The following RAB7A variants were observed in gnomAD, a reference collection of about 807,000 sequenced individuals.
RAB7A encodes the protein ras-related protein Rab-7a.
Under a neutral mutation model 24.5 loss-of-function variants are expected in RAB7A, and 2 were observed. That is an observed-to-expected ratio of 0.08 (90% CI 0.03 to 0.26). The LOEUF is 0.26. Among genes scored for constraint, RAB7A ranks in the 10% least tolerant of loss-of-function variants. RAB7A has a pLI of 1.00. For missense variants in RAB7A, 118 were observed against 255.7 expected (o/e 0.46, Z 3.67); for synonymous variants, 100 against 95.9 (o/e 1.04, Z -0.25).
chr3:128,757,413 T>G (rs1026236858), intron 1 of RAB7A, among the ~76,000 whole-genome samples: 2 of 152,138 alleles, frequency 1.3e-5, no homozygotes, highest in African/African-American at 2.4e-5. Flanking sequence ...TGAGGCCAGG[T>G]GTGCTTAGCA....
intron 1 of RAB7A, among the ~76,000 whole-genome samples, chr3:128,747,759 T>C (rs1431250349): frequency 6.7e-6 from 1 of 148,230 alleles, no homozygotes; most frequent in Non-Finnish European, 1.5e-5. Context: ...TTTTTCATTT[T>C]GTTTTGTTTT....
At chr3:128,759,109 C>T (rs2070756174) in intron 1 of RAB7A, among the ~76,000 whole-genome samples, 1 of 152,106 alleles carries the variant, frequency 6.6e-6, no homozygotes, top group Non-Finnish European at 1.5e-5. Context: ...TCCAAATGTG[C>T]CATAAGCTGA....
chr3:128,766,827 ATCGTGCCTGGCCTGGG>A (rs947692461), intron 1 of RAB7A, among the ~76,000 whole-genome samples: 10 of 152,200 alleles, frequency 6.6e-5, no homozygotes, highest in Non-Finnish European at 1.0e-4. Context: ...GGCATGAGCC[ATCGTGCCTGGCCTGGG>A]TCATATGTTT....
chr3:128,734,569 G>A (rs2070471929), intron 1 of RAB7A, among the ~76,000 whole-genome samples: 1 of 152,000 alleles, frequency 6.6e-6, no homozygotes, highest in Non-Finnish European at 1.5e-5. Context: ...TTTATAGTCT[G>A]GACTCCATTC....
At chr3:128,791,972 G>T (rs994143136) in intron 1 of RAB7A, among the ~76,000 whole-genome samples, 3 of 152,182 alleles carry the variant, frequency 2.0e-5, no homozygotes, top group Non-Finnish European at 4.4e-5. Flanking sequence ...AATCTAGAAA[G>T]ATCTACCCAC....
intron 2 of RAB7A, among the ~76,000 whole-genome samples, chr3:128,796,787 A>G (rs1272342653): frequency 6.6e-6 from 1 of 152,054 alleles, no homozygotes; most frequent in Non-Finnish European, 1.5e-5. Context: ...CTCAGCCTCC[A>G]GAGTAGCTGG....
chr3:128,778,450 A>G (rs1010424876), intron 1 of RAB7A, among the ~76,000 whole-genome samples: 1 of 152,206 alleles, frequency 6.6e-6, no homozygotes, highest in Non-Finnish European at 1.5e-5. Context: ...CATGTTAATT[A>G]TCACCTCTGT....
intron 1 of RAB7A, among the ~76,000 whole-genome samples, chr3:128,753,378 G>T (rs185348440): frequency 6.6e-6 from 1 of 151,898 alleles, no homozygotes; most frequent in East Asian, 1.9e-4. Context: ...GGGGGAAAAA[G>T]AATGTAAATA....
At chr3:128,764,893 A>G (rs934302221) in intron 1 of RAB7A, 4 of 1,478,372 alleles carry the variant, frequency 2.7e-6, no homozygotes, top group African/African-American at 2.8e-5. Flanking sequence ...ATCGCGGTCA[A>G]AGTTGTAAGA....
chr3:128,761,833 T>C lies in RAB7A; in HGVS notation c.-8-33527T>C, dbSNP rs374785073. 1.8e-4 allele frequency among the ~76,000 whole-genome samples: 28 copies of C among 152,372 alleles called. No homozygotes were observed. The South Asian group carries it at 5.8e-3, about 32-fold the overall frequency. ...GATGTGAATAAGACTACTTTAGGCATTACTGAAAAGCAACCGAGCATTTAA... is the reference window on the plus strand; with the variant it reads ...GATGTGAATAAGACTACTTTAGGCACTACTGAAAAGCAACCGAGCATTTAA... On this transcript the variant is annotated intron_variant, in intron 1 of 5. Coordinates refer to ENST00000265062, the MANE Select transcript of RAB7A (RefSeq NM_004637.6).
intron 1 of RAB7A, among the ~76,000 whole-genome samples, chr3:128,751,104 A>G (rs1478998476): frequency 2.0e-5 from 3 of 152,224 alleles, no homozygotes; most frequent in Non-Finnish European, 4.4e-5. Context: ...GTCCAGGCAG[A>G]AGTTTACTGC....
At chr3:128,741,386 C>T (rs1419481162) in intron 1 of RAB7A, among the ~76,000 whole-genome samples, 2 of 152,090 alleles carry the variant, frequency 1.3e-5, no homozygotes, top group East Asian at 3.8e-4. Flanking sequence ...ATGTTTTCTT[C>T]TAGTAATTCT....
At chr3:128,787,338 C>T (rs191295433) in intron 1 of RAB7A, among the ~76,000 whole-genome samples, 204 of 152,316 alleles carry the variant, frequency 1.3e-3, no homozygotes, top group Non-Finnish European at 1.6e-3. Context: ...GGATCGGGCA[C>T]AACATGTAAA....
At position 128,814,128 on chromosome 3, in the gene RAB7A, ATGCAGGCC is replaced by A. The variant is rs1229529960; in HGVS notation, c.*709_*716del. ...TTGGATTATGTGTTTAAGTCCTGTA[ATGCAGGCC>A]TGTAAGGTGGAGGGTTGAACCCTGT... On this transcript the variant is annotated 3_prime_UTR_variant, in exon 6 of 6. Transcript: ENST00000265062. The A allele has an allele frequency of 7.7e-5, 12 of 155,768 alleles. No individual in the cohort carries two copies. Among genetic ancestry groups the A allele is most frequent in the Admixed American group, 6.2e-4 (10 of 16,030 alleles). The allele number at this position is 155,768 out of a possible 1,614,324, so 9.6% of individuals were successfully genotyped here.
intron 1 of RAB7A, among the ~76,000 whole-genome samples, chr3:128,786,910 CTGAA>C (rs767600001): frequency 3.3e-5 from 5 of 152,100 alleles, no homozygotes; most frequent in Admixed American, 6.5e-5. Context: ...TATCCATGTG[CTGAA>C]TATCATGCAA....
chr3:128,758,349 T>C (rs1363277747), intron 1 of RAB7A, among the ~76,000 whole-genome samples: 1 of 149,736 alleles, frequency 6.7e-6, no homozygotes, highest in Admixed American at 6.7e-5. Context: ...CTCGGCTCAC[T>C]GCAAGCTCCG....
chr3:128,739,651 A>T (rs916556006), intron 1 of RAB7A, among the ~76,000 whole-genome samples: 1 of 152,218 alleles, frequency 6.6e-6, no homozygotes. Context: ...TTAGCTTTTT[A>T]AAAATTTAAC....
At chr3:128,795,817 T>C (rs1017555649) in intron 2 of RAB7A, among the ~76,000 whole-genome samples, 1 of 133,910 alleles carries the variant, frequency 7.5e-6, no homozygotes, top group Non-Finnish European at 1.6e-5. Flanking sequence ...AGTGGCGCGA[T>C]CTCGGCTCAC....
At chr3:128,733,718 A>T (rs545883387) in intron 1 of RAB7A, among the ~76,000 whole-genome samples, 6 of 152,140 alleles carry the variant, frequency 3.9e-5, no homozygotes, top group Non-Finnish European at 8.8e-5. Context: ...GCCCACCCTT[A>T]TGACCTCACT....
Sources: gnomAD v4.1 joint callset for allele counts (sites outside exome capture counted in the v4.1 genomes callset) on GRCh38, gnomAD v4.1.1 for gene constraint, MANE v1.5 for transcripts, NCBI Gene and HGNC (gene_info 2026-07-23, HGNC 2026-07-21) for gene names.